Variants in BMPR1A observed in about 807,000 individuals in gnomAD.
BMPR1A encodes the protein bone morphogenetic protein receptor type 1A, also known as bone morphogenetic protein receptor type-1A.
Under a neutral mutation model 66.0 loss-of-function variants are expected in BMPR1A, and 7 were observed. The observed-to-expected ratio is 0.11, with a 90% CI of 0.06 to 0.20. The LOEUF is 0.20. Ranked by LOEUF, BMPR1A falls within the 10% of genes least tolerant of loss-of-function variation. The pLI is 1.00. For missense variants in BMPR1A, 408 were observed against 669.1 expected, an observed-to-expected ratio of 0.61 and a Z score of 4.31; for synonymous variants, 200 against 229.7, an observed-to-expected ratio of 0.87 and a Z score of 1.17.
intron 1 of BMPR1A, among the ~76,000 whole-genome samples, chr10:86,829,776 A>T (rs983461541): frequency 1.3e-5 from 2 of 152,200 alleles, no homozygotes; most frequent in African/African-American, 4.8e-5. Context: ...GCTGAATAGG[A>T]TTCCATGGTT....
chr10:86,761,633 CTCAAGG>C (rs1458192111), intron 1 of BMPR1A, among the ~76,000 whole-genome samples: 2 of 152,164 alleles, frequency 1.3e-5, no homozygotes, highest in African/African-American at 4.8e-5. Context: ...TTATATCCTG[CTCAAGG>C]TCATCACCAA....
intron 1 of BMPR1A, among the ~76,000 whole-genome samples, chr10:86,785,633 C>G (rs1398564292): frequency 6.6e-6 from 1 of 152,090 alleles, no homozygotes; most frequent in Non-Finnish European, 1.5e-5. Flanking sequence ...TCCGTTAGTT[C>G]CAGTTACTCT....
In BMPR1A at chr10:86,925,930, T is replaced by G. The variant is rs1449222097; in HGVS notation, c.*2211T>G. 2 of 163,578 alleles carry G rather than the reference T, an allele frequency of 1.2e-5. No individual in the cohort carries two copies. Among genetic ancestry groups the G allele is most frequent in the Non-Finnish European group, 2.7e-5 (2 of 74,948 alleles). The allele number at this position is 163,578 out of a possible 1,614,324, so 10.1% of individuals were successfully genotyped here. ...TTTTAGTAGAGACGGGGTTTCACCT[T>G]GTTAGCCAGGATGGTCTCAATCTCC... On this transcript the variant is annotated 3_prime_UTR_variant, in exon 13 of 13. Transcript: ENST00000372037.
chr10:86,835,111 G>A (rs1842322597), intron 1 of BMPR1A, among the ~76,000 whole-genome samples: 1 of 151,876 alleles, frequency 6.6e-6, no homozygotes, highest in Non-Finnish European at 1.5e-5. Context: ...GGGCATGGCC[G>A]TACTTGCTGG....
rs142592762 is a variant in BMPR1A at position 86,906,170 on chromosome 10, A to G, written c.530+6044A>G. Among the ~76,000 whole-genome samples the G allele has an allele frequency of 3.5e-4, 53 of 152,236 alleles. No homozygotes were observed. In the East Asian group the frequency reaches 8.5e-3, roughly 24 times the overall value. On this transcript the variant is annotated intron_variant, in intron 7 of 12. Transcript: ENST00000372037. ...GATGGGCTCAAGTTTGTTTCCCTTAAAGCTGTCACTCATTATCTTCCACTT... is the reference window on the plus strand; with the variant it reads ...GATGGGCTCAAGTTTGTTTCCCTTAGAGCTGTCACTCATTATCTTCCACTT...
At chr10:86,844,489 G>C (rs920120481) in intron 2 of BMPR1A, among the ~76,000 whole-genome samples, 3 of 152,112 alleles carry the variant, frequency 2.0e-5, no homozygotes, top group Non-Finnish European at 4.4e-5. Flanking sequence ...GCATTATTAT[G>C]GTACTGTCCA....
At chr10:86,861,779 G>A (rs890287339) in intron 2 of BMPR1A, among the ~76,000 whole-genome samples, 2 of 152,168 alleles carry the variant, frequency 1.3e-5, no homozygotes, top group Non-Finnish European at 2.9e-5. Context: ...CATGAAAACA[G>A]CGGAAACTTT....
At chr10:86,913,990 A>T (rs1436718087) in intron 8 of BMPR1A, among the ~76,000 whole-genome samples, 2 of 152,164 alleles carry the variant, frequency 1.3e-5, no homozygotes, top group Admixed American at 1.3e-4. Context: ...TCACTACCTG[A>T]TTTCTGGACT....
In BMPR1A at chr10:86,917,223, C is replaced by T. The variant is rs786201114; in HGVS notation, c.765C>T (p.Gly255=). 7.4e-6 allele frequency: 12 copies of T among 1,613,736 alleles called. No individual in the cohort carries two copies. Among genetic ancestry groups the T allele is most frequent in the Admixed American group, 5.0e-5 (3 of 59,966 alleles). The change falls in exon 9 of 13, where the codon GGC becomes GGT. Residue 255 remains glycine, a synonymous_variant. Coordinates refer to ENST00000372037, the MANE Select transcript of BMPR1A (RefSeq NM_004329.3). ...AAGTATGGATGGGCAAATGGCGTGG[C>T]GAAAAAGTGGCGGTGAAAGTATTCT... ...YGEVWMGKWR[G]EKVAVKVFFT... is the part of the protein sequence containing the mutation.
chr10:86,759,279 C>T (rs980750034), intron 1 of BMPR1A, among the ~76,000 whole-genome samples: 6 of 152,150 alleles, frequency 3.9e-5, no homozygotes, highest in African/African-American at 1.2e-4. Context: ...CTTTAATATG[C>T]GTTCTCCAAG....
chr10:86,760,248 C>CTTTTTTTTTTTTTTTTTTTTTTTTTTT (rs60211336), intron 1 of BMPR1A, among the ~76,000 whole-genome samples: 2 of 17,010 alleles, frequency 1.2e-4, no homozygotes, highest in African/African-American at 1.9e-4. Context: ...TTCTTTCTTT[C>CTTTTTTTTTTTTTTTTTTTTTTTTTTT]TTTTTTTTTT....
chr10:86,827,087 C>T (rs1842206244), intron 1 of BMPR1A, among the ~76,000 whole-genome samples: 2 of 152,028 alleles, frequency 1.3e-5, no homozygotes, highest in Non-Finnish European at 2.9e-5. Flanking sequence ...AGAAATGTAA[C>T]AGCAATTTTG....
chr10:86,845,327 C>T (rs1401585444), intron 2 of BMPR1A, among the ~76,000 whole-genome samples: 1 of 152,194 alleles, frequency 6.6e-6, no homozygotes, highest in Non-Finnish European at 1.5e-5. Context: ...CTGAATGTAC[C>T]TCACTGTTGT....
intron 1 of BMPR1A, among the ~76,000 whole-genome samples, chr10:86,829,535 T>C (rs1842240444): frequency 6.6e-6 from 1 of 152,240 alleles, no homozygotes; most frequent in South Asian, 2.1e-4. Flanking sequence ...TGTGAACCAC[T>C]GTGGCATCAA....
In BMPR1A at chr10:86,911,109, C is replaced by T. The variant is rs944015945; in HGVS notation, c.531-1131C>T. On this transcript the variant is annotated intron_variant, in intron 7 of 12. Coordinates refer to ENST00000372037, the MANE Select transcript of BMPR1A (RefSeq NM_004329.3). Reference sequence around the variant, plus strand: ...GGTTGAAGCTTCAGTGAGCTGAGATCGTGCCACTACACTCTAGCCTGGGTG... The same window carrying T: ...GGTTGAAGCTTCAGTGAGCTGAGATTGTGCCACTACACTCTAGCCTGGGTG... Among the ~76,000 whole-genome samples the T allele has an allele frequency of 5.6e-5, 8 of 141,608 alleles. No individual in the cohort carries two copies. In the South Asian group the frequency reaches 8.9e-4, roughly 16 times the overall value. 92.9% of individuals were successfully genotyped at this position (141,608 alleles called of 152,430 possible).
chr10:86,912,470 C>T (rs1005633650), intron 8 of BMPR1A, 86 bp downstream of exon 8: 2 of 1,518,510 alleles, frequency 1.3e-6, no homozygotes, highest in African/African-American at 1.4e-5. Context: ...TATTGCAGAT[C>T]AGGGAACAAT....
chr10:86,912,113 A>C lies in BMPR1A; in HGVS notation c.531-127A>C, dbSNP rs909883464. 9 of 1,006,358 alleles carry C rather than the reference A, an allele frequency of 8.9e-6. No individual in the cohort carries two copies. In the African/African-American group the frequency reaches 1.5e-4, roughly 16 times the overall value. The allele number at this position is 1,006,358 out of a possible 1,614,324, so 62.3% of individuals were successfully genotyped here. A position where few individuals can be genotyped will look rare whatever the true frequency, so the allele number is the denominator to read the frequency against. ...TGTATTTAACAGGATATATTATCCA[A>C]TGATAAGACTAATTTGGATAGGATT... On this transcript the variant is annotated intron_variant, in intron 7 of 12. Transcript: ENST00000372037.
chr10:86,910,012 G>A (rs535542028), intron 7 of BMPR1A, among the ~76,000 whole-genome samples: 1 of 152,160 alleles, frequency 6.6e-6, no homozygotes, highest in South Asian at 2.1e-4. Context: ...ACACTTGAAT[G>A]CAATAAGACT....
At chr10:86,783,896 T>G (rs994844454) in intron 1 of BMPR1A, among the ~76,000 whole-genome samples, 5 of 152,244 alleles carry the variant, frequency 3.3e-5, no homozygotes, top group Non-Finnish European at 7.3e-5. Flanking sequence ...TGGAGTTATT[T>G]TCTTAATTTC....
Sources: gnomAD v4.1 joint callset for allele counts (sites outside exome capture counted in the v4.1 genomes callset) on GRCh38, gnomAD v4.1.1 for gene constraint, MANE v1.5 for transcripts, NCBI Gene and HGNC (gene_info 2026-07-23, HGNC 2026-07-21) for gene names.